WBP1L: variants seen among roughly 807,000 people sequenced by gnomAD.
WBP1L encodes WW domain binding protein 1 like.
In WBP1L, 17 loss-of-function variants were observed where a neutral mutation model predicts 33.7. The ratio of observed to expected loss-of-function variants is 0.50; its 90% CI spans 0.34 to 0.76. The LOEUF is 0.76. Ranked by LOEUF, WBP1L falls within the 30% of genes least tolerant of loss-of-function variation. The pLI is 0.01. For missense variants in WBP1L, 389 were observed against 469.4 expected (o/e 0.83, Z 1.58); for synonymous variants, 173 against 190.8 (o/e 0.91, Z 0.77).
Position 102,809,902 on chromosome 10 carries a change from T to A in WBP1L, c.203T>A (p.Leu68Gln). ...NYYYELWWFW[L>Q]VWTIIIILSC... ...CTTGCCCACCCCCCAGGGTTCTGGC[T>A]GGTGTGGACCATCATCATCATCCTG... Residue 68 changes from leucine to glutamine, a missense_variant, in exon 3 of 4, where the codon CTG becomes CAG. Coordinates refer to ENST00000448841, the MANE Select transcript of WBP1L (RefSeq NM_001083913.2). 1 of 1,612,228 alleles carries A rather than the reference T, an allele frequency of 6.2e-7. No homozygotes were observed. Among genetic ancestry groups the A allele is most frequent in the Non-Finnish European group, 8.5e-7 (1 of 1,179,128 alleles).
chr10:102,781,201 C>G (rs1298093765), intron 1 of WBP1L, among the ~76,000 whole-genome samples: 1 of 152,104 alleles, frequency 6.6e-6, no homozygotes. Context: ...TAGAGTCTCA[C>G]AAGGAGAGCA....
chr10:102,777,762 G>A (rs895974115), intron 1 of WBP1L, among the ~76,000 whole-genome samples: 3 of 151,814 alleles, frequency 2.0e-5, no homozygotes, highest in African/African-American at 4.8e-5. Context: ...ACGGGGTTTC[G>A]CCATGTTGGT....
At chr10:102,747,873 A>G (rs1842882937) in intron 1 of WBP1L, among the ~76,000 whole-genome samples, 1 of 151,880 alleles carries the variant, frequency 6.6e-6, no homozygotes, top group African/African-American at 2.4e-5. Flanking sequence ...GTTTTGGTAG[A>G]AATGTCTTTT....
chr10:102,806,847 C>A (rs1232794595), intron 2 of WBP1L, among the ~76,000 whole-genome samples: 4 of 152,034 alleles, frequency 2.6e-5, no homozygotes, highest in African/African-American at 9.7e-5. Context: ...TGGGGGCATT[C>A]CAGGGGGACA....
chr10:102,752,961 A>G (rs1842939309), intron 1 of WBP1L, among the ~76,000 whole-genome samples: 2 of 152,132 alleles, frequency 1.3e-5, no homozygotes, highest in Non-Finnish European at 2.9e-5. Flanking sequence ...TTTGGATTCA[A>G]AACTTCACCT....
At chr10:102,772,502 C>CT in intron 1 of WBP1L, among the ~76,000 whole-genome samples, 1 of 148,604 alleles carries the variant, frequency 6.7e-6, no homozygotes, top group Admixed American at 6.8e-5. Context: ...CTCAGGTGAT[C>CT]TGCCTGCCTT....
chr10:102,780,218 TA>T (rs940753921), intron 1 of WBP1L, among the ~76,000 whole-genome samples: 1 of 152,014 alleles, frequency 6.6e-6, no homozygotes, highest in African/African-American at 2.4e-5. Flanking sequence ...CAGTGTTGAC[TA>T]AAAAAAATGC....
chr10:102,804,861 G>A (rs1843708915), intron 2 of WBP1L, among the ~76,000 whole-genome samples: 1 of 152,062 alleles, frequency 6.6e-6, no homozygotes, highest in Admixed American at 6.6e-5. Flanking sequence ...GTCACAAGGG[G>A]GTCAGGAAGT....
At chr10:102,790,270 A>G (rs1362645216) in intron 1 of WBP1L, among the ~76,000 whole-genome samples, 1 of 151,898 alleles carries the variant, frequency 6.6e-6, no homozygotes, top group Admixed American at 6.6e-5. Flanking sequence ...TTTTCTTTCA[A>G]TAACTATTTT....
At chr10:102,764,572 T>A (rs1246882034) in intron 1 of WBP1L, among the ~76,000 whole-genome samples, 2 of 152,222 alleles carry the variant, frequency 1.3e-5, no homozygotes, top group Non-Finnish European at 2.9e-5. Flanking sequence ...CCCCTGCATC[T>A]GGTATGATGC....
At chr10:102,782,856 A>G (rs1843357804) in intron 1 of WBP1L, among the ~76,000 whole-genome samples, 1 of 152,170 alleles carries the variant, frequency 6.6e-6, no homozygotes, top group Admixed American at 6.6e-5. Context: ...GTTTGCCGGG[A>G]CTGTGTTGCA....
At chr10:102,755,664 A>G (rs1382929867) in intron 1 of WBP1L, among the ~76,000 whole-genome samples, 1 of 152,026 alleles carries the variant, frequency 6.6e-6, no homozygotes, top group Non-Finnish European at 1.5e-5. Context: ...GAGTGCTGGG[A>G]TTACAGGTGT....
chr10:102,810,184 G>A, intron 3 of WBP1L, 130 bp downstream of exon 3: 1 of 1,258,604 alleles, frequency 7.9e-7, no homozygotes, highest in Non-Finnish European at 1.1e-6. Context: ...CCTCCGTAGA[G>A]CAAGGTCTTG....
chr10:102,782,870 A>G (rs1392109339), intron 1 of WBP1L, among the ~76,000 whole-genome samples: 1 of 152,148 alleles, frequency 6.6e-6, no homozygotes, highest in Non-Finnish European at 1.5e-5. Context: ...TGTTGCACAT[A>G]AGACTTCGGT....
At chr10:102,805,339 A>G (rs1301709126) in intron 2 of WBP1L, among the ~76,000 whole-genome samples, 1 of 152,136 alleles carries the variant, frequency 6.6e-6, no homozygotes, top group Non-Finnish European at 1.5e-5. Context: ...GATCATATAT[A>G]TTGCAGTATA....
At chr10:102,783,956 A>G (rs889240701) in intron 1 of WBP1L, among the ~76,000 whole-genome samples, 2 of 152,218 alleles carry the variant, frequency 1.3e-5, no homozygotes, top group Non-Finnish European at 2.9e-5. Flanking sequence ...CCTTCTAAGC[A>G]GTGTGTGTTC....
chr10:102,768,543 C>T lies in WBP1L; in HGVS notation c.90+24400C>T, dbSNP rs11817374. The stretch of plus-strand genomic sequence containing the variant: ...CTGTGACTACAGGCGCCCGCCACCG[C>T]GCCCGGCTAATTTTTTTTTGTATTT... On this transcript the variant is annotated intron_variant, in intron 1 of 3. Transcript: ENST00000448841. 8.7e-5 allele frequency among the ~76,000 whole-genome samples: 5 copies of T among 57,800 alleles called. 2 individuals are homozygous for T. Among genetic ancestry groups the T allele is most frequent in the Non-Finnish European group, 1.7e-4 (5 of 30,282 alleles). The allele number at this position is 57,800 out of a possible 152,430, so 37.9% of individuals were successfully genotyped here. A position where few individuals can be genotyped will look rare whatever the true frequency, so the allele number is the denominator to read the frequency against.
At chr10:102,757,067 TTTAATAG>T (rs1842985583) in intron 1 of WBP1L, among the ~76,000 whole-genome samples, 1 of 152,062 alleles carries the variant, frequency 6.6e-6, no homozygotes, top group African/African-American at 2.4e-5. Context: ...TTTTTGTGTT[TTTAATAG>T]AGACAAGGTT....
At chr10:102,802,770 A>G (rs1843675757) in intron 2 of WBP1L, among the ~76,000 whole-genome samples, 1 of 152,190 alleles carries the variant, frequency 6.6e-6, no homozygotes, top group African/African-American at 2.4e-5. Flanking sequence ...TGCTGGGATT[A>G]CAGGCATGAG....
Sources: allele counts gnomAD v4.1 joint callset (sites outside exome capture counted in the v4.1 genomes callset), GRCh38; gene constraint gnomAD v4.1.1; transcripts MANE v1.5; gene names NCBI Gene and HGNC (gene_info 2026-07-23, HGNC 2026-07-21).